CLSTN2: variants seen among roughly 807,000 people sequenced by gnomAD.
The protein encoded by CLSTN2 is calsyntenin-2.
In CLSTN2, 48 loss-of-function variants were observed where a neutral mutation model predicts 101.2. The ratio of observed to expected loss-of-function variants is 0.47; its 90% CI spans 0.38 to 0.60. The LOEUF (loss-of-function observed/expected upper bound fraction) is 0.60, where lower values mean the gene tolerates loss of function less well. Among genes scored for constraint, CLSTN2 ranks in the 20% least tolerant of loss-of-function variants. CLSTN2 has a pLI of 0.00. For missense variants in CLSTN2, 1,160 were observed against 1,238.2 expected, an observed-to-expected ratio of 0.94 and a Z score of 0.95; for synonymous variants, 481 against 463.6, an observed-to-expected ratio of 1.04 and a Z score of -0.48.
At position 140,500,746 on chromosome 3, in the gene CLSTN2, A is replaced by ATATT. The variant is rs527601711; in HGVS notation, c.1345-31577_1345-31574dup. 1.2e-4 allele frequency among the ~76,000 whole-genome samples: 18 copies of ATATT among 152,314 alleles called. No individual in the cohort carries two copies. The East Asian group carries it at 3.5e-3, about 29-fold the overall frequency. On this transcript the variant is annotated intron_variant, in intron 8 of 16. Coordinates refer to ENST00000458420, the MANE Select transcript of CLSTN2 (RefSeq NM_022131.3). ...CTTACTTTTTTCATTTGTAGAACGC[A>ATATT]TATTATACCCACTCATCCTCCCAGG...
intron 2 of CLSTN2, among the ~76,000 whole-genome samples, chr3:140,400,497 G>A (rs752599077): frequency 1.3e-5 from 2 of 152,096 alleles, no homozygotes; most frequent in Non-Finnish European, 2.9e-5. Context: ...TCAGGAGTTC[G>A]AGACCAGCTT....
chr3:140,533,415 A>T (rs1433620733), intron 9 of CLSTN2, among the ~76,000 whole-genome samples: 1 of 152,198 alleles, frequency 6.6e-6, no homozygotes, highest in African/African-American at 2.4e-5. Context: ...GGGCTATAGT[A>T]TAAGAATATG....
intron 8 of CLSTN2, among the ~76,000 whole-genome samples, chr3:140,480,010 G>A (rs1335459368): frequency 6.6e-6 from 1 of 151,884 alleles, no homozygotes; most frequent in East Asian, 1.9e-4. Flanking sequence ...GTGCAGGTTT[G>A]TTACATATGT....
intron 8 of CLSTN2, among the ~76,000 whole-genome samples, chr3:140,484,887 T>C (rs1037613328): frequency 2.0e-5 from 3 of 152,182 alleles, no homozygotes; most frequent in African/African-American, 7.2e-5. Context: ...GTTTTTAACT[T>C]CTTTGCCATG....
intron 1 of CLSTN2, among the ~76,000 whole-genome samples, chr3:140,054,086 G>A (rs1054371569): frequency 2.6e-5 from 4 of 152,196 alleles, no homozygotes; most frequent in African/African-American, 9.7e-5. Flanking sequence ...AGTGACCAAA[G>A]ACAAGGGGCT....
chr3:140,205,721 T>C (rs979346535), intron 2 of CLSTN2, among the ~76,000 whole-genome samples: 1 of 150,058 alleles, frequency 6.7e-6, no homozygotes, highest in Non-Finnish European at 1.5e-5. Context: ...TTTCCACCAC[T>C]CTATGATGAT....
chr3:139,991,649 G>T (rs1560063736), intron 1 of CLSTN2, among the ~76,000 whole-genome samples: 1 of 152,248 alleles, frequency 6.6e-6, no homozygotes, highest in Non-Finnish European at 1.5e-5. Context: ...ACCATGCTCT[G>T]TTAGATCCCT....
intron 2 of CLSTN2, among the ~76,000 whole-genome samples, chr3:140,199,184 A>C (rs1041588780): frequency 2.0e-5 from 3 of 152,202 alleles, no homozygotes; most frequent in Admixed American, 2.0e-4. Flanking sequence ...AGAATATTGC[A>C]TCAGACTTTT....
intron 2 of CLSTN2, among the ~76,000 whole-genome samples, chr3:140,262,379 C>T (rs969153798): frequency 3.3e-5 from 5 of 152,064 alleles, no homozygotes; most frequent in South Asian, 2.1e-4. Flanking sequence ...GCAGGCATGG[C>T]ACAAGAGAGG....
chr3:140,546,657 G>T lies in CLSTN2; in HGVS notation c.1650G>T (p.Leu550Phe). The T allele has an allele frequency of 1.2e-6, 2 of 1,613,026 alleles. No individual in the cohort carries two copies. Among genetic ancestry groups the T allele is most frequent in the South Asian group, 2.2e-5 (2 of 90,948 alleles). The change falls in exon 10 of 17, where the codon TTG becomes TTT. Residue 550 changes from leucine (L) to phenylalanine (F), a missense_variant. Physicochemically the swap from Leu to Phe is conservative, Grantham distance 22. Transcript: ENST00000458420. ...ACKEGLDINS[L>F]ESLGQGIKYH... ...AGGAAGGGCTGGACATTAATTCCTT[G>T]GAAAGCCTTGGCCAAGGAATAAAGG...
chr3:139,949,375 T>C (rs1004825233), intron 1 of CLSTN2, among the ~76,000 whole-genome samples: 3 of 152,276 alleles, frequency 2.0e-5, no homozygotes, highest in African/African-American at 7.2e-5. Flanking sequence ...TCTTTCTCCT[T>C]CATTCCCTGG....
intron 1 of CLSTN2, among the ~76,000 whole-genome samples, chr3:140,119,736 A>G (rs2009307565): frequency 6.6e-6 from 1 of 152,120 alleles, no homozygotes; most frequent in African/African-American, 2.4e-5. Flanking sequence ...CTCAAATTCA[A>G]GTGATCCTCC....
intron 2 of CLSTN2, among the ~76,000 whole-genome samples, chr3:140,277,355 C>T (rs2086804242): frequency 6.6e-6 from 1 of 152,144 alleles, no homozygotes; most frequent in Admixed American, 6.5e-5. Context: ...CCTCAAAGCC[C>T]ATGCTCCTTG....
At chr3:140,306,048 A>G (rs2087111177) in intron 2 of CLSTN2, among the ~76,000 whole-genome samples, 4 of 152,122 alleles carry the variant, frequency 2.6e-5, no homozygotes. Flanking sequence ...AGTTACTCTC[A>G]CTGTGCCCCC....
At chr3:140,277,681 A>G (rs2086807649) in intron 2 of CLSTN2, among the ~76,000 whole-genome samples, 1 of 152,190 alleles carries the variant, frequency 6.6e-6, no homozygotes, top group Non-Finnish European at 1.5e-5. Context: ...GCACTTAAAA[A>G]AAAATATACT....
intron 1 of CLSTN2, among the ~76,000 whole-genome samples, chr3:140,141,951 C>T (rs940563962): frequency 1.3e-5 from 2 of 152,114 alleles, no homozygotes; most frequent in Non-Finnish European, 2.9e-5. Flanking sequence ...AAACTTGTCT[C>T]GTCCAATTAA....
intron 8 of CLSTN2, among the ~76,000 whole-genome samples, chr3:140,469,130 C>T (rs1042541081): frequency 6.6e-6 from 1 of 152,196 alleles, no homozygotes; most frequent in African/African-American, 2.4e-5. Flanking sequence ...GTGGTCCACC[C>T]TTTTGACCTC....
intron 2 of CLSTN2, among the ~76,000 whole-genome samples, chr3:140,341,473 T>C (rs1284559085): frequency 6.6e-6 from 1 of 152,230 alleles, no homozygotes; most frequent in Non-Finnish European, 1.5e-5. Context: ...CCAGGGAGGC[T>C]GCACCCTCAC....
At chr3:140,015,973 G>A (rs1391811149) in intron 1 of CLSTN2, among the ~76,000 whole-genome samples, 1 of 152,256 alleles carries the variant, frequency 6.6e-6, no homozygotes, top group African/African-American at 2.4e-5. Flanking sequence ...GGGACACAAA[G>A]CTGAGAAAGC....
Sources: gnomAD v4.1 joint callset for allele counts (sites outside exome capture counted in the v4.1 genomes callset) on GRCh38, gnomAD v4.1.1 for gene constraint, MANE v1.5 for transcripts, NCBI Gene and HGNC (gene_info 2026-07-23, HGNC 2026-07-21) for gene names.